The following ZNF277 variants were observed in gnomAD, a reference collection of about 807,000 sequenced individuals.
ZNF277 encodes the protein nuclear receptor-interacting factor 4.
In ZNF277, 55 loss-of-function variants were observed where a neutral mutation model predicts 60.7. The ratio of observed to expected loss-of-function variants is 0.91; its 90% CI spans 0.73 to 1.13. The LOEUF is 1.13. ZNF277 is among the 50% of genes most tolerant of loss of function. The probability of loss-of-function intolerance (pLI) is 0.00; values close to 1 mark genes in which losing one functional copy is unlikely to be tolerated. For synonymous variants in ZNF277, 178 were observed against 179.3 expected, an observed-to-expected ratio of 0.99 and a Z score of 0.06; for missense variants, 510 against 523.0, an observed-to-expected ratio of 0.98 and a Z score of 0.24.
chr7:112,337,851 T>C (rs776453974), intron 9 of ZNF277, 25 bp downstream of exon 9: 38 of 1,585,860 alleles, frequency 2.4e-5, no homozygotes, highest in Admixed American at 3.4e-5. Context: ...TTTATTTGAA[T>C]TTTGTTTTAT....
At chr7:112,331,746 G>A (rs1424545879) in intron 7 of ZNF277, among the ~76,000 whole-genome samples, 1 of 152,190 alleles carries the variant, frequency 6.6e-6, no homozygotes, top group East Asian at 1.9e-4. Context: ...ACTTCCTAGA[G>A]CAAATGCTGC....
At chr7:112,310,159 C>G (rs4730525) in intron 4 of ZNF277, among the ~76,000 whole-genome samples, 8,941 of 152,028 alleles carry the variant, frequency 0.059, 713 homozygotes, top group African/African-American at 0.18. Context: ...AGATGAGGCT[C>G]ATCTTATGTG....
In ZNF277 at chr7:112,342,703, A is replaced by T; in HGVS notation, c.1327A>T (p.Ser443Cys). 1 of 1,605,644 alleles carries T rather than the reference A, an allele frequency of 6.2e-7. No individual in the cohort carries two copies. The highest frequency in any genetic ancestry group is 8.5e-7 in the Non-Finnish European group (1 of 1,177,248). ...TSKLYALKQS[S>C]ILNQLLL ...TAAACTGTATGCTTTGAAACAAAGC[A>T]GTATTTTGAACCAGTTGCTACTATA... is the stretch of plus-strand genomic sequence containing the variant. Residue 443 changes from serine to cysteine, a missense_variant, in exon 12 of 12, where the codon AGT becomes TGT. By Grantham distance (112) the Ser-to-Cys change is moderately radical. Coordinates refer to ENST00000361822, the MANE Select transcript of ZNF277 (RefSeq NM_021994.3).
rs181359100 is a variant in ZNF277 at position 112,338,652 on chromosome 7, C to T, written c.966+826C>T. Among the ~76,000 whole-genome samples the T allele has an allele frequency of 8.7e-4, 132 of 152,278 alleles. 1 individual carries two copies. Among genetic ancestry groups the T allele is most frequent in the African/African-American group, 2.9e-3 (120 of 41,544 alleles). On this transcript the variant is annotated intron_variant, in intron 9 of 11. Transcript: ENST00000361822. ...TTTAGTAAAATAAGGGCCTAGAAAG[C>T]GCTCAAAAGACCATAAACATTTTCC...
intron 11 of ZNF277, 22 bp downstream of exon 11, chr7:112,341,068 G>A: frequency 6.5e-7 from 1 of 1,544,840 alleles, no homozygotes; most frequent in Non-Finnish European, 8.7e-7. Flanking sequence ...AAAACCAAAT[G>A]TGCACTTCTT....
At chr7:112,244,110 G>C (rs780013976) in intron 1 of ZNF277, among the ~76,000 whole-genome samples, 9 of 152,088 alleles carry the variant, frequency 5.9e-5, no homozygotes, top group Non-Finnish European at 1.2e-4. Flanking sequence ...TATACTCATG[G>C]ACACAGAGAG....
chr7:112,239,660 C>T (rs1587106469), intron 1 of ZNF277, among the ~76,000 whole-genome samples: 2 of 152,138 alleles, frequency 1.3e-5, no homozygotes, highest in Non-Finnish European at 2.9e-5. Context: ...ACCTGTCCTA[C>T]AAGACATGCT....
intron 1 of ZNF277, among the ~76,000 whole-genome samples, chr7:112,268,250 A>G (rs139921039): frequency 6.5e-4 from 98 of 151,182 alleles, no homozygotes; most frequent in African/African-American, 2.3e-3. Flanking sequence ...GCCTGCATGC[A>G]CACACACGCA....
intron 1 of ZNF277, among the ~76,000 whole-genome samples, chr7:112,254,031 C>T (rs1022122809): frequency 6.6e-6 from 1 of 152,196 alleles, no homozygotes; most frequent in Non-Finnish European, 1.5e-5. Flanking sequence ...TCCCACAGAG[C>T]ATCTCTGTTA....
intron 9 of ZNF277, among the ~76,000 whole-genome samples, chr7:112,339,531 C>T (rs1451333607): frequency 1.3e-5 from 2 of 152,222 alleles, no homozygotes; most frequent in Admixed American, 6.5e-5. Context: ...GTTGGCCAGG[C>T]TGGTCTCAAA....
intron 1 of ZNF277, among the ~76,000 whole-genome samples, chr7:112,255,980 C>A (rs536495765): frequency 1.3e-5 from 2 of 152,236 alleles, no homozygotes; most frequent in African/African-American, 4.8e-5. Flanking sequence ...TTGCACATAC[C>A]TTTATTTAAA....
intron 1 of ZNF277, among the ~76,000 whole-genome samples, chr7:112,280,450 G>T (rs1791914136): frequency 6.6e-6 from 1 of 152,166 alleles, no homozygotes; most frequent in African/African-American, 2.4e-5. Context: ...GTGAGAACTA[G>T]AGCAGATAAT....
intron 1 of ZNF277, among the ~76,000 whole-genome samples, chr7:112,278,882 T>C (rs1791879536): frequency 6.6e-6 from 1 of 152,214 alleles, no homozygotes; most frequent in African/African-American, 2.4e-5. Context: ...TCCATACTCA[T>C]TAAACAGTAA....
At chr7:112,306,948 G>A (rs562894710) in intron 4 of ZNF277, among the ~76,000 whole-genome samples, 6 of 151,834 alleles carry the variant, frequency 4.0e-5, no homozygotes, top group Non-Finnish European at 7.4e-5. Flanking sequence ...CTCAGATACC[G>A]TTGAGAAGAA....
chr7:112,263,105 C>T (rs1791471010), intron 1 of ZNF277, among the ~76,000 whole-genome samples: 1 of 152,120 alleles, frequency 6.6e-6, no homozygotes, highest in South Asian at 2.1e-4. Context: ...GGAAGGGCCT[C>T]TACTCAATAT....
chr7:112,287,050 T>C lies in ZNF277; in HGVS notation c.269T>C (p.Val90Ala), dbSNP rs749146807. 1.2e-6 allele frequency: 2 copies of C among 1,614,038 alleles called. No individual in the cohort carries two copies. Among genetic ancestry groups the C allele is most frequent in the Non-Finnish European group, 1.7e-6 (2 of 1,179,956 alleles). The change falls in exon 2 of 12, where the codon GTC (valine) becomes GCC (alanine). Residue 90 changes from valine to alanine, a missense_variant. By Grantham distance (64) the Val-to-Ala change is moderately conservative. Transcript: ENST00000361822. The stretch of plus-strand genomic sequence containing the variant: ...GAGCATAAGATTGTCATAGCTGATG[T>C]CAAGTTGGTTGCTGATTTCCAAAGG... Reference protein sequence around the residue: ...IIEHKIVIADVKLVADFQRYI... With the variant: ...IIEHKIVIADAKLVADFQRYI...
chr7:112,208,976 G>A (rs376051548), intron 1 of ZNF277, among the ~76,000 whole-genome samples: 2 of 152,166 alleles, frequency 1.3e-5, no homozygotes, highest in East Asian at 3.9e-4. Context: ...ACCGCGCCCG[G>A]CCTATGATTT....
At chr7:112,278,743 A>G (rs1791875130) in intron 1 of ZNF277, among the ~76,000 whole-genome samples, 1 of 152,176 alleles carries the variant, frequency 6.6e-6, no homozygotes, top group African/African-American at 2.4e-5. Flanking sequence ...TTTTAAAATT[A>G]TGGTTAAAAA....
rs111596388 is a variant in ZNF277, at chr7:112,263,721, T to C, written c.92-23152T>C. Reference sequence around the variant, plus strand: ...CATTTTCTGCAGTATTTGTCTCAGTTGTAAGTAGATATCATTTGCTTTCCA... The same window carrying C: ...CATTTTCTGCAGTATTTGTCTCAGTCGTAAGTAGATATCATTTGCTTTCCA... On this transcript the variant is annotated intron_variant, in intron 1 of 11. Coordinates refer to ENST00000361822, the MANE Select transcript of ZNF277 (RefSeq NM_021994.3). Among the ~76,000 whole-genome samples, 826 of 152,348 alleles carry C rather than the reference T, an allele frequency of 5.4e-3. 14 individuals are homozygous for C. The highest frequency in any genetic ancestry group is 3.2e-3 in the Non-Finnish European group (221 of 68,038).
Sources: allele counts gnomAD v4.1 joint callset (sites outside exome capture counted in the v4.1 genomes callset), GRCh38; gene constraint gnomAD v4.1.1; transcripts MANE v1.5; gene names NCBI Gene and HGNC (gene_info 2026-07-23, HGNC 2026-07-21).